AXL: variants seen among roughly 807,000 people sequenced by gnomAD.
AXL encodes AXL receptor tyrosine kinase.
Under a neutral mutation model 104.5 loss-of-function variants are expected in AXL, and 52 were observed. The ratio of observed to expected loss-of-function variants is 0.50; its 90% CI spans 0.40 to 0.63. The LOEUF (loss-of-function observed/expected upper bound fraction) is 0.63. Among genes scored for constraint, AXL ranks in the 20% least tolerant of loss-of-function variants. The probability of loss-of-function intolerance (pLI) is 0.00; values close to 1 mark genes in which losing one functional copy is unlikely to be tolerated. For missense variants in AXL, 1,024 were observed against 1,188.5 expected (o/e 0.86, Z 2.04); for synonymous variants, 455 against 473.7 (o/e 0.96, Z 0.51).
Position 41,259,581 on chromosome 19 carries a change from C to T in AXL, c.2362C>T (p.Leu788=). 1.2e-6 allele frequency: 2 copies of T among 1,611,036 alleles called. No homozygotes were observed. Among genetic ancestry groups the T allele is most frequent in the Non-Finnish European group, 1.7e-6 (2 of 1,178,238 alleles). The change falls in exon 20 of 20, where the codon CTA becomes TTA. Residue 788 remains leucine (L), a synonymous_variant. Transcript: ENST00000301178. ...LYALMSRCWE[L]NPQDRPSFTE... Reference sequence around the variant, plus strand: ...TGCCTTGATGTCGCGGTGCTGGGAGCTAAATCCCCAGGACCGGCCAAGTTT... The same window carrying T: ...TGCCTTGATGTCGCGGTGCTGGGAGTTAAATCCCCAGGACCGGCCAAGTTT...
At chr19:41,257,821 C>T (rs373611590) in intron 19 of AXL, among the ~76,000 whole-genome samples, 192 bp downstream of exon 19, 3 of 152,230 alleles carry the variant, frequency 2.0e-5, no homozygotes, top group Admixed American at 2.0e-4. Context: ...CAGCTAAAGG[C>T]ACCCTTTCCT....
At chr19:41,221,563 G>T (rs143714364) in intron 3 of AXL, 5,233 of 490,376 alleles carry the variant, frequency 0.011, 38 homozygotes, top group Non-Finnish European at 0.015. Context: ...TCAGAGGCAC[G>T]CAACGTACCC....
intron 1 of AXL, 85 bp downstream of exon 1, chr19:41,219,562 G>A (rs2033747652): frequency 1.4e-6 from 2 of 1,467,828 alleles, no homozygotes; most frequent in South Asian, 1.2e-5. Flanking sequence ...GGCAGGTGTG[G>A]GGGGCCTGGG....
rs146619023 is a variant in AXL at position 41,234,536 on chromosome 19, A to G, written c.783+3238A>G. Among the ~76,000 whole-genome samples, 30 of 152,298 alleles carry G rather than the reference A, an allele frequency of 2.0e-4. No individual in the cohort carries two copies. In the East Asian group the frequency reaches 5.4e-3, roughly 27 times the overall value. Reference sequence around the variant, plus strand: ...TGTGACAGAGTGAGACCCTGCCTAAAAAAAAGAAAAAAGAAAAAGAAAGAA... The same window carrying G: ...TGTGACAGAGTGAGACCCTGCCTAAGAAAAAGAAAAAAGAAAAAGAAAGAA... On this transcript the variant is annotated intron_variant, in intron 6 of 19. Transcript: ENST00000301178.
At chr19:41,251,032 G>A (rs951845808) in intron 14 of AXL, among the ~76,000 whole-genome samples, 4 of 152,242 alleles carry the variant, frequency 2.6e-5, no homozygotes, top group African/African-American at 9.6e-5. Context: ...TTGTGAGCAG[G>A]TGGACCCTGG....
In AXL at chr19:41,260,080, C is replaced by T; in HGVS notation, c.*176C>T. On this transcript the variant is annotated 3_prime_UTR_variant, in exon 20 of 20. Coordinates refer to ENST00000301178, the MANE Select transcript of AXL (RefSeq NM_021913.5). ...TCCCCTTCTCTGTGCAGTAGCATCACCTTGAAAGCAGTAGCATCACCATCT... is the reference window on the plus strand; with the variant it reads ...TCCCCTTCTCTGTGCAGTAGCATCATCTTGAAAGCAGTAGCATCACCATCT... The T allele has an allele frequency of 1.8e-6, 1 of 569,172 alleles. No individual in the cohort carries two copies. The highest frequency in any genetic ancestry group is 3.0e-6 in the Non-Finnish European group (1 of 329,974). 35.3% of individuals were successfully genotyped at this position (569,172 alleles called of 1,614,324 possible).
At chr19:41,251,726 T>A (rs1034468187) in intron 14 of AXL, among the ~76,000 whole-genome samples, 5 of 150,326 alleles carry the variant, frequency 3.3e-5, no homozygotes, top group Admixed American at 2.0e-4. Flanking sequence ...AAAATAAAAA[T>A]AAAAAACAAA....
At chr19:41,240,619 T>C (rs1344828724) in intron 10 of AXL, among the ~76,000 whole-genome samples, 1 of 152,124 alleles carries the variant, frequency 6.6e-6, no homozygotes, top group Non-Finnish European at 1.5e-5. Flanking sequence ...CCACTAGCCT[T>C]CAATACTCCT....
At chr19:41,240,279 T>G (rs1599734720) in intron 10 of AXL, among the ~76,000 whole-genome samples, 7 of 123,328 alleles carry the variant, frequency 5.7e-5, no homozygotes, top group African/African-American at 9.6e-5. Context: ...ATATGGAGGG[T>G]GGATGGGTGG....
At chr19:41,230,852 G>A (rs2033973477) in intron 4 of AXL, 115 bp from the exon 5 acceptor site, 2 of 1,053,818 alleles carry the variant, frequency 1.9e-6, no homozygotes, top group East Asian at 2.4e-5. Context: ...GCAAGTGCCT[G>A]TGTGGGCTGC....
chr19:41,225,165 T>G (rs575295270), intron 4 of AXL, among the ~76,000 whole-genome samples: 1 of 152,168 alleles, frequency 6.6e-6, no homozygotes, highest in Non-Finnish European at 1.5e-5. Context: ...GGCTTATTTT[T>G]GTATTTTTAG....
rs565853928 is a variant in AXL at position 41,234,794 on chromosome 19, T to C, written c.784-3150T>C. 4.6e-5 allele frequency among the ~76,000 whole-genome samples: 7 copies of C among 152,308 alleles called. No individual in the cohort carries two copies. In the South Asian group the frequency reaches 1.5e-3, roughly 32 times the overall value. ...CTTTAGAGCCCACACCCTGTGGCAGTAAACTCCTTCCTGACATACTGTGTG... is the reference window on the plus strand; with the variant it reads ...CTTTAGAGCCCACACCCTGTGGCAGCAAACTCCTTCCTGACATACTGTGTG... On this transcript the variant is annotated intron_variant, in intron 6 of 19. Coordinates refer to ENST00000301178, the MANE Select transcript of AXL (RefSeq NM_021913.5).
intron 1 of AXL, among the ~76,000 whole-genome samples, chr19:41,220,068 GTCTC>G (rs140305398): frequency 0.055 from 8,300 of 151,520 alleles, 292 homozygotes; most frequent in Non-Finnish European, 0.081. Flanking sequence ...TGCTCTCTGA[GTCTC>G]TCTCTCTCTT....
intron 7 of AXL, 132 bp from the exon 8 acceptor site, chr19:41,238,338 C>A: frequency 6.7e-7 from 1 of 1,485,816 alleles, no homozygotes; most frequent in South Asian, 1.2e-5. Context: ...CTCCCCTGTG[C>A]TTCCTCTCAT....
chr19:41,238,029 C>A lies in AXL; in HGVS notation c.869C>A (p.Pro290His). The A allele has an allele frequency of 6.2e-7, 1 of 1,613,924 alleles. No individual in the cohort carries two copies. Among genetic ancestry groups the A allele is most frequent in the South Asian group, 1.1e-5 (1 of 91,056 alleles). ...CCCCTCACCTCGCAAGCATCCGTGCCCCCCCATCAGCTTCGGCTAGGCAGC... is the reference window on the plus strand; with the variant it reads ...CCCCTCACCTCGCAAGCATCCGTGCACCCCCATCAGCTTCGGCTAGGCAGC... The part of the protein sequence containing the change: ...EEPLTSQASV[P>H]PHQLRLGSLH... Residue 290 changes from proline to histidine, a missense_variant, in exon 7 of 20, where the codon CCC becomes CAC. Physicochemically the swap from Pro to His is moderately conservative, Grantham distance 77 (BLOSUM62 -2). Coordinates refer to ENST00000301178, the MANE Select transcript of AXL (RefSeq NM_021913.5).
At chr19:41,244,694 T>A (rs1247695691) in intron 12 of AXL, among the ~76,000 whole-genome samples, 1 of 152,126 alleles carries the variant, frequency 6.6e-6, no homozygotes, top group African/African-American at 2.4e-5. Flanking sequence ...CTGTCTTTGT[T>A]AGCCAGGCTG....
Position 41,261,161 on chromosome 19 carries a change from G to C in AXL, c.*1257G>C. The C allele has an allele frequency of 6.6e-6, 1 of 152,390 alleles. No individual in the cohort carries two copies. Among genetic ancestry groups the C allele is most frequent in the East Asian group, 1.9e-4 (1 of 5,190 alleles). The allele number at this position is 152,390 out of a possible 1,614,324, so 9.4% of individuals were successfully genotyped here. On this transcript the variant is annotated 3_prime_UTR_variant, in exon 20 of 20. Transcript: ENST00000301178. ...CTGTGTCTAAGATTCTAGATCAGAT[G>C]CTCCAAGATTCTAGATGATTAAATA...
Position 41,231,293 on chromosome 19 carries a change from C to T in AXL, c.778C>T (p.Leu260=). 6.2e-7 allele frequency: 1 copy of T among 1,612,026 alleles called. No homozygotes were observed. The highest frequency in any genetic ancestry group is 1.3e-5 in the African/African-American group (1 of 74,968). ...CATCTACCCCCTGACCCACTGCACC[C>T]TGCAGGTGAGACTCCCAAACTTGGT... ...SGIYPLTHCT[L]QAVLSDDGMG... is the part of the protein sequence containing the mutation. Residue 260 remains leucine (L), a synonymous_variant, in exon 6 of 20, where the codon CTG becomes TTG. Coordinates refer to ENST00000301178, the MANE Select transcript of AXL (RefSeq NM_021913.5).
chr19:41,237,671 C>T (rs77045874), intron 6 of AXL, among the ~76,000 whole-genome samples: 2,061 of 152,308 alleles, frequency 0.014, 52 homozygotes, highest in African/African-American at 0.047. Context: ...TCCTCTAAGG[C>T]CCCGTGTGCC....
Sources: gnomAD v4.1 joint callset for allele counts (sites outside exome capture counted in the v4.1 genomes callset) on GRCh38, gnomAD v4.1.1 for gene constraint, MANE v1.5 for transcripts, NCBI Gene and HGNC (gene_info 2026-07-23, HGNC 2026-07-21) for gene names.